GRIN2B: variants seen among roughly 807,000 people sequenced by gnomAD.
The protein encoded by GRIN2B is glutamate receptor ionotropic, NMDA 2B.
A neutral mutation model predicts 114.5 loss-of-function variants in GRIN2B; 5 were observed. The observed-to-expected ratio is 0.04, with a 90% CI of 0.02 to 0.09. The LOEUF (loss-of-function observed/expected upper bound fraction) is 0.09. GRIN2B is among the 10% of genes least tolerant of loss of function. GRIN2B has a pLI of 1.00. For synonymous variants in GRIN2B, 787 were observed against 745.1 expected, an observed-to-expected ratio of 1.06 and a Z score of -0.92; for missense variants, 1,108 against 1,943.5, an observed-to-expected ratio of 0.57 and a Z score of 8.08.
At chr12:13,807,912 G>T (rs1209553111) in intron 3 of GRIN2B, among the ~76,000 whole-genome samples, 1 of 151,990 alleles carries the variant, frequency 6.6e-6, no homozygotes, top group African/African-American at 2.4e-5. Context: ...GGAAGTTTAA[G>T]CAGCAGTAGA....
Position 13,563,873 on chromosome 12 carries a change from T to G in GRIN2B, c.3365A>C (p.Tyr1122Ser), listed in dbSNP as rs749285212. 5.6e-6 allele frequency: 9 copies of G among 1,613,996 alleles called. No individual in the cohort carries two copies. Among genetic ancestry groups the G allele is most frequent in the African/African-American group, 1.3e-5 (1 of 74,926 alleles). The change falls in exon 14 of 14, where the codon TAC becomes TCC. Residue 1122 changes from tyrosine to serine, a missense_variant. Tyr to Ser is a moderately radical substitution (Grantham distance 144). Around this residue, in one of 19 missense-constraint regions of GRIN2B, gnomAD observed 478 missense variants for 506.0 expected, o/e 0.94. Transcript: ENST00000609686. ...CCGTAGCCCTTCCTTGTCCCTGAAG[T>G]AGCGCTTGTGGTCAGGGGAGCGGGG... is the stretch of plus-strand genomic sequence containing the variant. Reference protein sequence around the residue: ...RPPRSPDHKRYFRDKEGLRDF... With the variant: ...RPPRSPDHKRSFRDKEGLRDF...
At chr12:13,978,633 T>C (rs1003220853) in intron 2 of GRIN2B, among the ~76,000 whole-genome samples, 2 of 152,188 alleles carry the variant, frequency 1.3e-5, no homozygotes, top group African/African-American at 4.8e-5. Flanking sequence ...GGTAATACTT[T>C]TAGGAAAAAT....
chr12:13,564,041 T>C lies in GRIN2B; in HGVS notation c.3197A>G (p.His1066Arg). 1.2e-6 allele frequency: 2 copies of C among 1,614,152 alleles called. No homozygotes were observed. The highest frequency in any genetic ancestry group is 1.7e-6 in the Non-Finnish European group (2 of 1,180,040). ...IRSDVSDISTHTVTYGNIEGN... is the reference protein window; with the variant it reads ...IRSDVSDISTRTVTYGNIEGN... ...CTCGATGTTCCCATAGGTGACGGTG[T>C]GGGTTGAGATGTCAGAGACATCGGA... The change falls in exon 14 of 14, where the codon CAC becomes CGC. Residue 1066 changes from histidine to arginine, a missense_variant. This residue lies in a region of GRIN2B where 19 missense variants were observed against 62.0 expected (regional missense o/e 0.31). Coordinates refer to ENST00000609686, the MANE Select transcript of GRIN2B (RefSeq NM_000834.5). The surrounding 1 kb of genome is among the most constrained non-coding windows in gnomAD (Gnocchi z 4.8).
At chr12:13,927,599 T>C (rs1866940372) in intron 2 of GRIN2B, among the ~76,000 whole-genome samples, 2 of 151,648 alleles carry the variant, frequency 1.3e-5, no homozygotes, top group Non-Finnish European at 2.9e-5. Context: ...GATGGTTATA[T>C]GGAACTAACG....
chr12:13,582,826 C>T (rs1320877262), intron 10 of GRIN2B, among the ~76,000 whole-genome samples: 1 of 152,200 alleles, frequency 6.6e-6, no homozygotes, highest in Admixed American at 6.5e-5. Flanking sequence ...AAATAAAACA[C>T]CAGTTCTTCA....
At position 13,555,363 on chromosome 12, in the gene GRIN2B, G is replaced by A. The variant is rs1172905349; in HGVS notation, c.*7420C>T. ...GGGTGTAGCCCATTGATGAAGCCAT[G>A]AGCATAAGGTGAGGAAGTGGAGAAA... On this transcript the variant is annotated 3_prime_UTR_variant, in exon 14 of 14. Coordinates refer to ENST00000609686, the MANE Select transcript of GRIN2B (RefSeq NM_000834.5). The A allele has an allele frequency of 6.6e-6, 1 of 152,172 alleles. No homozygotes were observed. Among genetic ancestry groups the A allele is most frequent in the Non-Finnish European group, 1.5e-5 (1 of 68,030 alleles). The allele number at this position is 152,172 out of a possible 1,614,324, so 9.4% of individuals were successfully genotyped here.
chr12:13,777,634 C>T (rs1864028543), intron 3 of GRIN2B, among the ~76,000 whole-genome samples: 1 of 152,342 alleles, frequency 6.6e-6, no homozygotes, highest in East Asian at 1.9e-4. Flanking sequence ...GCCTTTCCAT[C>T]ACTGGCTCCT....
chr12:13,706,994 T>C (rs1254544545), intron 4 of GRIN2B, among the ~76,000 whole-genome samples: 1 of 152,140 alleles, frequency 6.6e-6, no homozygotes, highest in African/African-American at 2.4e-5. Context: ...GCAATGAGGT[T>C]TTCCAACCCG....
At chr12:13,841,522 T>C (rs1418950451) in intron 3 of GRIN2B, among the ~76,000 whole-genome samples, 1 of 152,200 alleles carries the variant, frequency 6.6e-6, no homozygotes, top group Non-Finnish European at 1.5e-5. Context: ...GCCACACTTT[T>C]CACTGTGCTG....
chr12:13,791,237 G>A lies in GRIN2B; in HGVS notation c.412-37322C>T, dbSNP rs558343269. 3.9e-5 allele frequency among the ~76,000 whole-genome samples: 6 copies of A among 152,198 alleles called. No individual in the cohort carries two copies. In the South Asian group the frequency reaches 1.0e-3, roughly 26 times the overall value. On this transcript the variant is annotated intron_variant, in intron 3 of 13. Transcript: ENST00000609686. ...CCAGCACTTTGGGAGGCAAAGGCGG[G>A]CGGATCATGAGGTCAGGAGATCGAG...
chr12:13,659,516 G>A (rs990475454), intron 5 of GRIN2B, among the ~76,000 whole-genome samples: 2 of 152,040 alleles, frequency 1.3e-5, no homozygotes, highest in Admixed American at 6.6e-5. Context: ...CATGGCTTCC[G>A]ATTGCTTCTT....
chr12:13,952,836 T>A (rs753243193), intron 2 of GRIN2B, among the ~76,000 whole-genome samples: 1 of 151,878 alleles, frequency 6.6e-6, no homozygotes, highest in African/African-American at 2.4e-5. Flanking sequence ...TATACACATA[T>A]AATTATGTAC....
At chr12:13,691,883 T>TG (rs1950217543) in intron 4 of GRIN2B, among the ~76,000 whole-genome samples, 1 of 152,264 alleles carries the variant, frequency 6.6e-6, no homozygotes, top group Admixed American at 6.5e-5. Flanking sequence ...CACTCAGCAA[T>TG]GGGCAAAAAC....
chr12:13,586,828 C>T (rs1402908665), intron 10 of GRIN2B, among the ~76,000 whole-genome samples: 1 of 152,208 alleles, frequency 6.6e-6, no homozygotes, highest in Non-Finnish European at 1.5e-5. Flanking sequence ...CTATCTTTCA[C>T]TGTTCTCAAA....
chr12:13,700,435 G>A (rs1384329363), intron 4 of GRIN2B, among the ~76,000 whole-genome samples: 1 of 152,132 alleles, frequency 6.6e-6, no homozygotes, highest in African/African-American at 2.4e-5. Flanking sequence ...TCCATCAAGA[G>A]GTAGTCTACT....
chr12:13,962,805 G>A (rs1322121534), intron 2 of GRIN2B, among the ~76,000 whole-genome samples: 1 of 152,166 alleles, frequency 6.6e-6, no homozygotes, highest in Non-Finnish European at 1.5e-5. Context: ...AGCAGCTGTC[G>A]CTTTCTGATT....
chr12:13,662,494 C>T (rs1233152924), intron 5 of GRIN2B, among the ~76,000 whole-genome samples: 1 of 152,142 alleles, frequency 6.6e-6, no homozygotes, highest in African/African-American at 2.4e-5. Context: ...AGCCACTGCA[C>T]CCTGTCTTAC....
chr12:13,958,129 A>T (rs1269692120), intron 2 of GRIN2B, among the ~76,000 whole-genome samples: 1 of 152,194 alleles, frequency 6.6e-6, no homozygotes, highest in Non-Finnish European at 1.5e-5. Flanking sequence ...TTGGATTAGG[A>T]ATAAAATGTA....
At chr12:13,872,500 T>A (rs1865928126) in intron 2 of GRIN2B, among the ~76,000 whole-genome samples, 1 of 152,070 alleles carries the variant, frequency 6.6e-6, no homozygotes, top group South Asian at 2.1e-4. Context: ...GTATATTTTT[T>A]AAATAGTAAT....
Sources: gnomAD v4.1 joint callset for allele counts (sites outside exome capture counted in the v4.1 genomes callset) on GRCh38, gnomAD v4.1.1 for gene constraint, gnomAD v4.1.1 regional missense constraint, Gnocchi (gnomAD v3.1) non-coding constraint, MANE v1.5 for transcripts, NCBI Gene and HGNC (gene_info 2026-07-23, HGNC 2026-07-21) for gene names.